Variants in RTN4 observed in about 807,000 individuals in gnomAD.
RTN4 encodes reticulon 4.
In RTN4, 32 loss-of-function variants were observed where a neutral mutation model predicts 90.4. The ratio of observed to expected loss-of-function variants is 0.35; its 90% CI spans 0.27 to 0.48. RTN4 has a LOEUF of 0.48. Among genes scored for constraint, RTN4 ranks in the 20% least tolerant of loss-of-function variants. RTN4 has a pLI of 0.99. For missense variants in RTN4, 1,706 were observed against 1,430.2 expected, an observed-to-expected ratio of 1.19 and a Z score of -3.11; for synonymous variants, 629 against 552.5, an observed-to-expected ratio of 1.14 and a Z score of -1.94.
At chr2:55,120,584 G>C in the RTN4 span, among the ~76,000 whole-genome samples, 50 of 152,044 alleles carry the variant, frequency 3.3e-4, no homozygotes, top group South Asian at 1.5e-3. Flanking sequence ...AGTTTGAGAT[G>C]GTTTAAATAA....
rs967830293 is a variant in RTN4 at position 54,973,661 on chromosome 2, G to T, written c.3478-40C>A. 7.1e-6 allele frequency: 11 copies of T among 1,556,628 alleles called. No homozygotes were observed. The African/African-American group carries it at 1.5e-4, about 21-fold the overall frequency. On this transcript the variant is annotated intron_variant, in intron 7 of 8. Coordinates refer to ENST00000337526, the MANE Select transcript of RTN4 (RefSeq NM_020532.5). ...TAAAGGAATTATTACCGTTGCTAAAGAATCTTATTAACCACTACTATGTGT... is the reference window on the plus strand; with the variant it reads ...TAAAGGAATTATTACCGTTGCTAAATAATCTTATTAACCACTACTATGTGT...
At chr2:55,023,009 T>G (rs1487005680) in intron 3 of RTN4, among the ~76,000 whole-genome samples, 1 of 151,958 alleles carries the variant, frequency 6.6e-6, no homozygotes, top group Non-Finnish European at 1.5e-5. Flanking sequence ...TATTTATTCC[T>G]ACTACTATTG....
chr2:55,072,650 A>G (rs956824388), intron 2 of RTN4, among the ~76,000 whole-genome samples: 1 of 152,342 alleles, frequency 6.6e-6, no homozygotes, highest in South Asian at 2.1e-4. Flanking sequence ...CTCTTTAATT[A>G]TCACAGTACC....
At position 55,026,217 on chromosome 2, in the gene RTN4, C is replaced by A. The variant is rs775000894; in HGVS notation, c.1882G>T (p.Gly628Cys). The part of the protein sequence containing the change: ...APLNSAVPSA[G>C]ASVIQPSSSP... ...GAGCTGGGCTGTATCACGGAAGCAC[C>A]AGCACTAGGAACTGCAGAATTCAAT... is the stretch of plus-strand genomic sequence containing the variant. Residue 628 changes from glycine (G) to cysteine (C), a missense_variant, in exon 3 of 9, where the codon GGT becomes TGT. Gly to Cys is a radical substitution (Grantham distance 159). Coordinates refer to ENST00000337526, the MANE Select transcript of RTN4 (RefSeq NM_020532.5). The A allele has an allele frequency of 6.2e-7, 1 of 1,613,684 alleles. No individual in the cohort carries two copies.
At chr2:55,093,649 C>T (rs572991999) in intron 1 of RTN4, among the ~76,000 whole-genome samples, 13 of 151,982 alleles carry the variant, frequency 8.6e-5, no homozygotes, top group Non-Finnish European at 1.8e-4. Context: ...CTCCACGAGG[C>T]CAGGGGGGAT....
intron 5 of RTN4, among the ~76,000 whole-genome samples, chr2:54,977,646 G>T (rs1013401455): frequency 1.3e-4 from 20 of 152,082 alleles, no homozygotes; most frequent in African/African-American, 4.6e-4. Context: ...ATTGTCATAT[G>T]CTTTTCTTTC....
upstream of RTN4, among the ~76,000 whole-genome samples, chr2:55,114,845 A>C (rs112191975): frequency 1.2e-4 from 18 of 152,272 alleles, no homozygotes; most frequent in African/African-American, 4.3e-4. Flanking sequence ...CGTGAAGAAT[A>C]GCCACCCCCA....
Position 54,972,846 on chromosome 2 carries a change from G to A in RTN4, c.*310C>T, listed in dbSNP as rs200588879. The stretch of plus-strand genomic sequence containing the variant: ...CCATCTCTGCAACTTGCCAAGATGC[G>A]GCAAGACTATCTGCAACAAAGTAAA... On this transcript the variant is annotated 3_prime_UTR_variant, in exon 9 of 9. Coordinates refer to ENST00000337526, the MANE Select transcript of RTN4 (RefSeq NM_020532.5). The A allele has an allele frequency of 1.5e-4, 36 of 245,906 alleles. No individual in the cohort carries two copies. The highest frequency in any genetic ancestry group is 3.8e-4 in the Admixed American group (7 of 18,216). 15.2% of individuals were successfully genotyped at this position (245,906 alleles called of 1,614,324 possible).
At chr2:55,051,763 C>T (rs964289600), upstream of RTN4, among the ~76,000 whole-genome samples, 5 of 152,258 alleles carry the variant, frequency 3.3e-5, no homozygotes, top group Admixed American at 3.3e-4. Context: ...GAATTAGTAC[C>T]TCCGAAATGT....
the RTN4 span, among the ~76,000 whole-genome samples, chr2:55,137,253 G>A: frequency 1.3e-5 from 2 of 152,200 alleles, no homozygotes; most frequent in African/African-American, 4.8e-5. Flanking sequence ...AGGAACTGGA[G>A]ACTAAGAGCA....
intron 2 of RTN4, among the ~76,000 whole-genome samples, chr2:55,062,906 G>C (rs947255218): frequency 2.6e-4 from 40 of 152,180 alleles, no homozygotes; most frequent in African/African-American, 9.7e-4. Flanking sequence ...AATAAAAACT[G>C]TATTTGCCTT....
At chr2:55,116,091 C>CTTTT (rs5831339), upstream of RTN4, among the ~76,000 whole-genome samples, 60 of 105,430 alleles carry the variant, frequency 5.7e-4, 1 homozygote, top group East Asian at 1.1e-3. Flanking sequence ...GGGGACTAGT[C>CTTTT]TTTTTTTTTT....
intron 5 of RTN4, among the ~76,000 whole-genome samples, chr2:54,981,280 TTTG>T (rs771590351): frequency 1.0e-3 from 155 of 150,020 alleles, no homozygotes; most frequent in African/African-American, 3.6e-3. Context: ...CTAAAATGTT[TTTG>T]TTTTTTTTTT....
At chr2:55,012,528 C>G (rs1680719525) in intron 3 of RTN4, among the ~76,000 whole-genome samples, 3 of 152,230 alleles carry the variant, frequency 2.0e-5, no homozygotes, top group African/African-American at 7.2e-5. Flanking sequence ...ATCTGAAAAA[C>G]TGATATGACA....
At chr2:55,022,361 G>C (rs1231603485) in intron 3 of RTN4, among the ~76,000 whole-genome samples, 3 of 152,104 alleles carry the variant, frequency 2.0e-5, no homozygotes, top group African/African-American at 7.2e-5. Flanking sequence ...CTGTGAACCA[G>C]CTCCTCTACT....
intron 1 of RTN4, among the ~76,000 whole-genome samples, chr2:55,081,649 G>A (rs370795304): frequency 6.2e-4 from 95 of 152,106 alleles, no homozygotes; most frequent in Middle Eastern, 3.4e-3. Flanking sequence ...GATTGCTTGA[G>A]CCCAGGAGTT....
the RTN4 span, among the ~76,000 whole-genome samples, chr2:55,129,593 G>GA: frequency 6.6e-6 from 1 of 151,606 alleles, no homozygotes; most frequent in Non-Finnish European, 1.5e-5. Flanking sequence ...TTTTTGAGAT[G>GA]GAGTCTCGCT....
chr2:55,064,278 TAG>T (rs1558864133), intron 2 of RTN4, among the ~76,000 whole-genome samples: 1 of 150,604 alleles, frequency 6.6e-6, no homozygotes, highest in Admixed American at 6.6e-5. Context: ...AAGAAACATC[TAG>T]AGTCATCCCA....
Position 55,025,578 on chromosome 2 carries a change from A to G in RTN4, c.2521T>C (p.Ser841Pro), listed in dbSNP as rs926029980. The change falls in exon 3 of 9, where the codon TCA becomes CCA. Residue 841 changes from serine (S) to proline (P), a missense_variant. Ser to Pro is a moderately conservative substitution (Grantham distance 74, BLOSUM62 -1). Transcript: ENST00000337526. ...TTAGAAATAAATAAGTCATCATTTG[A>G]ATAAACTGCAGTACTGAGCTCCTCC... ...QMEELSTAVY[S>P]NDDLFISKEA... The G allele has an allele frequency of 6.2e-7, 1 of 1,613,718 alleles. No homozygotes were observed. Among genetic ancestry groups the G allele is most frequent in the African/African-American group, 1.3e-5 (1 of 75,022 alleles).
Sources: allele counts gnomAD v4.1 joint callset (sites outside exome capture counted in the v4.1 genomes callset), GRCh38; gene constraint gnomAD v4.1.1; transcripts MANE v1.5; gene names NCBI Gene and HGNC (gene_info 2026-07-23, HGNC 2026-07-21).